Variants in FGF13 observed in about 807,000 individuals in gnomAD.
FGF13 encodes the protein fibroblast growth factor homologous factor 2.
A neutral mutation model predicts 19.5 loss-of-function variants in FGF13; 2 were observed. That is an observed-to-expected ratio of 0.10 (90% confidence interval 0.04 to 0.32). The LOEUF is 0.32. Among genes scored for constraint, FGF13 ranks in the 10% least tolerant of loss-of-function variants. The pLI is 1.00. For synonymous variants in FGF13, 72 were observed against 76.9 expected, an observed-to-expected ratio of 0.94 and a Z score of 0.33; for missense variants, 113 against 192.7, an observed-to-expected ratio of 0.59 and a Z score of 2.45.
chrX:138,627,743 C>T lies in FGF13; in HGVS notation c.*5107G>A, dbSNP rs1602631104. 9.1e-6 allele frequency: 1 copy of T among 109,975 alleles called. No individual in the cohort carries two copies. The highest frequency in any genetic ancestry group is 3.9e-4 in the South Asian group (1 of 2,558). The allele number at this position is 109,975 out of a possible 1,213,427, so 9.1% of individuals were successfully genotyped here. On this transcript the variant is annotated 3_prime_UTR_variant, in exon 5 of 5. Transcript: ENST00000315930. ...ATTGACATTTGGTTAGTTTACAATT[C>T]TAAAACTGAAAATCATCCACATTGT...
chrX:138,684,062 A>T (rs1255542183), intron 3 of FGF13, among the ~76,000 whole-genome samples: 1 of 111,780 alleles, frequency 8.9e-6, no homozygotes, highest in African/African-American at 3.2e-5. Flanking sequence ...CTGGCTACTC[A>T]GTACTAAAGA....
intron 3 of FGF13, among the ~76,000 whole-genome samples, chrX:138,772,486 T>C (rs751288812): frequency 2.0e-3 from 224 of 111,120 alleles, no homozygotes; most frequent in African/African-American, 6.6e-3. Flanking sequence ...TTTACCCAGA[T>C]ACAATTTTGA....
rs182821241 is a variant in FGF13 at position 138,727,201 on chromosome X, T to G, written c.28+12041A>C. Among the ~76,000 whole-genome samples the G allele has an allele frequency of 1.4e-3, 157 of 110,144 alleles. 1 individual carries two copies. Among genetic ancestry groups the G allele is most frequent in the African/African-American group, 4.9e-3 (147 of 30,270 alleles). On this transcript the variant is annotated intron_variant, in intron 1 of 4. Transcript: ENST00000305414. ...GAGGCTTTAGGAAATAAGGCAAATT[T>G]TACTCTGTATCAAATATCTAGAAGG... is the stretch of plus-strand genomic sequence containing the variant.
intron 3 of FGF13, among the ~76,000 whole-genome samples, chrX:138,757,657 C>T (rs947943055): frequency 9.0e-6 from 1 of 111,008 alleles, no homozygotes; most frequent in African/African-American, 3.3e-5. Flanking sequence ...AACACAGGAT[C>T]TCTGACCTTG....
chrX:139,068,865 C>T, intron 1 of FGF13, among the ~76,000 whole-genome samples: 1 of 111,463 alleles, frequency 9.0e-6, no homozygotes, highest in Non-Finnish European at 1.9e-5. Flanking sequence ...TGAAAAAATG[C>T]TCATCATCAC....
At chrX:139,106,954 G>A (rs1031685028) in intron 1 of FGF13, among the ~76,000 whole-genome samples, 3 of 112,046 alleles carry the variant, frequency 2.7e-5, no homozygotes, top group African/African-American at 9.7e-5. Context: ...GCGAGCCTCC[G>A]GATATCTCCG....
intron 3 of FGF13, among the ~76,000 whole-genome samples, chrX:138,811,696 T>A (rs1302186277): frequency 1.8e-5 from 2 of 110,990 alleles, no homozygotes; most frequent in African/African-American, 6.5e-5. Context: ...TAGCTCTATG[T>A]CAAACTTCTA....
At chrX:138,673,696 T>C (rs2089636874) in intron 3 of FGF13, among the ~76,000 whole-genome samples, 1 of 111,237 alleles carries the variant, frequency 9.0e-6, no homozygotes, top group African/African-American at 3.3e-5. Flanking sequence ...GATTGTATGC[T>C]GATGGGGTTG....
intron 1 of FGF13, among the ~76,000 whole-genome samples, chrX:139,160,763 C>T (rs1488906043): frequency 2.7e-5 from 3 of 111,784 alleles, no homozygotes; most frequent in Non-Finnish European, 5.6e-5. Flanking sequence ...GGTTAAATTC[C>T]TGGACACATG....
At chrX:139,147,214 T>TA (rs769426403) in intron 1 of FGF13, among the ~76,000 whole-genome samples, 123 of 95,337 alleles carry the variant, frequency 1.3e-3, no homozygotes, top group African/African-American at 3.3e-3. Context: ...AAAAACAAGT[T>TA]AAAAAAAAAA....
chrX:139,040,509 A>G (rs2092265580), intron 1 of FGF13, among the ~76,000 whole-genome samples: 1 of 111,035 alleles, frequency 9.0e-6, no homozygotes, highest in Admixed American at 9.5e-5. Context: ...GTAGGAGAAG[A>G]TCAAGATTTG....
intron 1 of FGF13, among the ~76,000 whole-genome samples, chrX:138,867,767 GTA>G (rs1220736325): frequency 1.9e-5 from 2 of 107,125 alleles, no homozygotes; most frequent in Non-Finnish European, 3.9e-5. Flanking sequence ...CAGCCAAACC[GTA>G]TCACTGTCTC....
intron 3 of FGF13, among the ~76,000 whole-genome samples, chrX:138,666,216 T>C (rs750949323): frequency 5.8e-4 from 65 of 111,560 alleles, no homozygotes; most frequent in Non-Finnish European, 1.9e-4. Context: ...TCTGAGTTGC[T>C]ATATTATCTC....
At position 138,984,440 on chromosome X, in the gene FGF13, G is replaced by T. The variant is rs199936821; in HGVS notation, c.-112-119790C>A. ...ACAAAGGAAGAAGAAGAAAGAAGAAGAATAAGGAGGAGAAAGAGGAGAAGG... is the reference window on the plus strand; with the variant it reads ...ACAAAGGAAGAAGAAGAAAGAAGAATAATAAGGAGGAGAAAGAGGAGAAGG... On this transcript the variant is annotated intron_variant, in intron 1 of 2. Transcript: ENST00000421460. 1.5e-4 allele frequency among the ~76,000 whole-genome samples: 15 copies of T among 100,072 alleles called. No individual in the cohort carries two copies. The East Asian group carries it at 4.8e-3, about 32-fold the overall frequency. 86.9% of individuals were successfully genotyped at this position (100,072 alleles called of 115,157 possible).
At chrX:138,996,211 C>T (rs1031121758) in intron 1 of FGF13, among the ~76,000 whole-genome samples, 5 of 112,288 alleles carry the variant, frequency 4.5e-5, no homozygotes, top group Non-Finnish European at 7.5e-5. Flanking sequence ...GAGGGCAAGC[C>T]GATGCAGGGC....
intron 1 of FGF13, among the ~76,000 whole-genome samples, chrX:139,079,989 CCATCATCAT>C (rs59209433): frequency 1.9e-5 from 2 of 106,445 alleles, no homozygotes; most frequent in African/African-American, 3.5e-5. Context: ...GTCATCATCA[CCATCATCAT>C]CATCATCATC....
intron 1 of FGF13, among the ~76,000 whole-genome samples, chrX:139,092,513 A>T (rs2083445461): frequency 8.9e-6 from 1 of 112,211 alleles, no homozygotes; most frequent in South Asian, 3.7e-4. Flanking sequence ...ACTGCATCCC[A>T]TTGTCTGTGA....
chrX:138,862,529 GA>G (rs201886862), intron 2 of FGF13, among the ~76,000 whole-genome samples: 7 of 109,033 alleles, frequency 6.4e-5, no homozygotes, highest in Non-Finnish European at 1.1e-4. Flanking sequence ...CAGAAAGAGA[GA>G]AAAAAAAATG....
chrX:138,734,608 G>A (rs73565524), intron 1 of FGF13, among the ~76,000 whole-genome samples: 2,364 of 111,819 alleles, frequency 0.021, 63 homozygotes, highest in African/African-American at 0.072. Flanking sequence ...AGGTATCTCA[G>A]AGGACACAAA....
Sources: gnomAD v4.1 joint callset for allele counts (sites outside exome capture counted in the v4.1 genomes callset) on GRCh38, gnomAD v4.1.1 for gene constraint, MANE v1.5 for transcripts, NCBI Gene and HGNC (gene_info 2026-07-23, HGNC 2026-07-21) for gene names.